Variants in PCDHA4 observed in about 807,000 individuals in gnomAD.
The protein encoded by PCDHA4 is protocadherin alpha 4.
Under a neutral mutation model 61.4 loss-of-function variants are expected in PCDHA4, and 49 were observed. The observed-to-expected ratio is 0.80, with a 90% CI of 0.63 to 1.01. The LOEUF is 1.01. Among genes scored for constraint, PCDHA4 ranks in the 50% least tolerant of loss-of-function variants. PCDHA4 has a pLI of 0.00. For missense variants in PCDHA4, 1,254 were observed against 1,235.8 expected, an observed-to-expected ratio of 1.01 and a Z score of -0.22; for synonymous variants, 590 against 550.3, an observed-to-expected ratio of 1.07 and a Z score of -1.01.
chr5:140,945,709 G>T (rs1033770128), intron 1 of PCDHA4, among the ~76,000 whole-genome samples: 1 of 151,930 alleles, frequency 6.6e-6, no homozygotes. Flanking sequence ...TGCAACAAAA[G>T]TATCAAGAAT....
At chr5:140,829,918 T>A in intron 1 of PCDHA4, 1 of 1,613,992 alleles carries the variant, frequency 6.2e-7, no homozygotes, top group Non-Finnish European at 8.5e-7. Context: ...GGCTTTCGTA[T>A]GAGCTGCAGC....
At chr5:140,903,302 T>C (rs1299735621) in intron 1 of PCDHA4, among the ~76,000 whole-genome samples, 2 of 152,136 alleles carry the variant, frequency 1.3e-5, no homozygotes, top group Admixed American at 6.5e-5. Flanking sequence ...AAATTTAGTA[T>C]ACAATAAAGA....
At position 140,856,679 on chromosome 5, in the gene PCDHA4, T is replaced by C. The variant is rs781823964; in HGVS notation, c.2385+47107T>C. 1.0e-4 allele frequency: 165 copies of C among 1,597,704 alleles called. 10 individuals are homozygous for C. Among genetic ancestry groups the C allele is most frequent in the Non-Finnish European group, 1.4e-4 (162 of 1,167,324 alleles). On this transcript the variant is annotated intron_variant, in intron 1 of 3. Transcript: ENST00000530339. ...AGAAAATCCTCAGCTAAAGTTGTTG[T>C]TGACAGCAACTGATGGAGGCAAACC...
At chr5:141,005,527 C>A (rs1448254191) in intron 3 of PCDHA4, among the ~76,000 whole-genome samples, 1 of 151,230 alleles carries the variant, frequency 6.6e-6, no homozygotes, top group Non-Finnish European at 1.5e-5. Context: ...CACGGTGAAA[C>A]CCCGTCTCTA....
intron 1 of PCDHA4, chr5:140,927,588 A>G (rs914756357): frequency 1.9e-6 from 3 of 1,614,210 alleles, no homozygotes; most frequent in East Asian, 2.2e-5. Context: ...ACGCGCCTGT[A>G]TTTGAGCGCT....
intron 1 of PCDHA4, among the ~76,000 whole-genome samples, chr5:140,911,208 G>A (rs1554194651): frequency 6.6e-6 from 1 of 152,154 alleles, no homozygotes; most frequent in Non-Finnish European, 1.5e-5. Flanking sequence ...TGCCACTACT[G>A]GGGATGAGAA....
At chr5:140,816,206 C>T (rs1368451854) in intron 1 of PCDHA4, 8 of 152,138 alleles carry the variant, frequency 5.3e-5, no homozygotes, top group Admixed American at 3.3e-4. Flanking sequence ...ATTTCTTGCT[C>T]TTTTTGCTAC....
Position 140,863,381 on chromosome 5 carries a change from G to A in PCDHA4, c.2385+53809G>A, listed in dbSNP as rs1186134797. 4 of 1,058,516 alleles carry A rather than the reference G, an allele frequency of 3.8e-6. No homozygotes were observed. In the African/African-American group the frequency reaches 4.8e-5, roughly 13 times the overall value. 65.6% of individuals were successfully genotyped at this position (1,058,516 alleles called of 1,614,324 possible). ...CGGTGCTTGGCGCAGCTCACCGAGAGCTCGTGCATGCCGGGCAAGCCCACG... is the reference window on the plus strand; with the variant it reads ...CGGTGCTTGGCGCAGCTCACCGAGAACTCGTGCATGCCGGGCAAGCCCACG... On this transcript the variant is annotated intron_variant, in intron 1 of 3. Transcript: ENST00000530339.
At chr5:141,000,609 G>A (rs2097951405) in intron 3 of PCDHA4, among the ~76,000 whole-genome samples, 1 of 150,600 alleles carries the variant, frequency 6.6e-6, no homozygotes. Context: ...TGTATTTTTA[G>A]TAGAGACAGG....
At chr5:140,940,994 G>A (rs1375374431) in intron 1 of PCDHA4, among the ~76,000 whole-genome samples, 1 of 152,094 alleles carries the variant, frequency 6.6e-6, no homozygotes, top group Non-Finnish European at 1.5e-5. Context: ...AAGTTTATAG[G>A]ATTAAATTTT....
In PCDHA4 at chr5:140,851,814, C is replaced by G. The variant is rs1363595383; in HGVS notation, c.2385+42242C>G. On this transcript the variant is annotated intron_variant, in intron 1 of 3. Coordinates refer to ENST00000530339, the MANE Select transcript of PCDHA4 (RefSeq NM_018907.4). The stretch of plus-strand genomic sequence containing the variant: ...CTTGTTCTGTCAGTAATCCATAAGA[C>G]AGAAATCTGTTTTTTTAAAAATATC... 6 of 954,454 alleles carry G rather than the reference C, an allele frequency of 6.3e-6. 1 individual carries two copies. In the African/African-American group the frequency reaches 1.1e-4, roughly 17 times the overall value. 59.1% of individuals were successfully genotyped at this position (954,454 alleles called of 1,614,324 possible). A position where few individuals can be genotyped will look rare whatever the true frequency, so the allele number is the denominator to read the frequency against.
intron 1 of PCDHA4, chr5:140,843,829 G>C: frequency 8.5e-7 from 1 of 1,170,244 alleles, no homozygotes; most frequent in Non-Finnish European, 1.2e-6. Context: ...TTTAAACATT[G>C]TTTAGTTTTT....
intron 1 of PCDHA4, chr5:140,848,334 A>T: frequency 2.4e-6 from 2 of 850,772 alleles, no homozygotes; most frequent in Non-Finnish European, 3.7e-6. Context: ...CTCTGAATCC[A>T]GACAAATACA....
In PCDHA4 at chr5:140,856,566, C is replaced by T. The variant is rs2044089469; in HGVS notation, c.2385+46994C>T. On this transcript the variant is annotated intron_variant, in intron 1 of 3. Transcript: ENST00000530339. ...GCATTGCTTACTTACAAACTCAGTC[C>T]AAATGAGTATTTTGTTCTTGATATT... is the stretch of plus-strand genomic sequence containing the variant. 2.5e-6 allele frequency: 4 copies of T among 1,597,124 alleles called. 1 individual carries two copies. Among genetic ancestry groups the T allele is most frequent in the Non-Finnish European group, 3.4e-6 (4 of 1,166,856 alleles).
At chr5:140,900,572 G>A (rs1244478745) in intron 1 of PCDHA4, among the ~76,000 whole-genome samples, 3 of 152,068 alleles carry the variant, frequency 2.0e-5, no homozygotes, top group Non-Finnish European at 4.4e-5. Flanking sequence ...CCACGGCACC[G>A]GCCCATTTTC....
intron 1 of PCDHA4, chr5:140,850,825 C>T (rs2150499781): frequency 5.0e-6 from 8 of 1,598,102 alleles, no homozygotes; most frequent in African/African-American, 2.7e-5. Context: ...CCGGGCCTTT[C>T]TCCTTGTGCT....
At chr5:140,966,455 C>G (rs376758355) in intron 1 of PCDHA4, 20 of 426,928 alleles carry the variant, frequency 4.7e-5, no homozygotes, top group East Asian at 2.8e-4. Flanking sequence ...CCCCCTCCCC[C>G]TCTGTCTTCC....
intron 1 of PCDHA4, chr5:140,882,792 A>C (rs367665995): frequency 6.2e-7 from 1 of 1,614,144 alleles, no homozygotes; most frequent in Non-Finnish European, 8.5e-7. Flanking sequence ...CTGGATCCCA[A>C]CGATTATTTC....
At chr5:140,948,371 T>G (rs1310252601) in intron 1 of PCDHA4, among the ~76,000 whole-genome samples, 1 of 151,586 alleles carries the variant, frequency 6.6e-6, no homozygotes, top group Non-Finnish European at 1.5e-5. Flanking sequence ...TTAGGAGGTG[T>G]TCCTTCCTCT....
Sources: allele counts gnomAD v4.1 joint callset (sites outside exome capture counted in the v4.1 genomes callset), GRCh38; gene constraint gnomAD v4.1.1; transcripts MANE v1.5; gene names NCBI Gene and HGNC (gene_info 2026-07-23, HGNC 2026-07-21).